Variants in FRAS1 observed in about 807,000 individuals in gnomAD.
FRAS1 encodes Fraser extracellular matrix complex subunit 1, also known as extracellular matrix organizing protein FRAS1.
Under a neutral mutation model 435.2 loss-of-function variants are expected in FRAS1, and 290 were observed. The observed-to-expected ratio is 0.67, with a 90% CI of 0.61 to 0.73. The LOEUF (loss-of-function observed/expected upper bound fraction) is 0.73, where lower values mean the gene tolerates loss of function less well. Ranked by LOEUF, FRAS1 falls within the 30% of genes least tolerant of loss-of-function variation. The pLI is 0.00. For synonymous variants in FRAS1, 1,800 were observed against 1,851.0 expected, an observed-to-expected ratio of 0.97 and a Z score of 0.71; for missense variants, 4,860 against 5,001.5, an observed-to-expected ratio of 0.97 and a Z score of 0.85.
intron 2 of FRAS1, among the ~76,000 whole-genome samples, chr4:78,117,332 A>G (rs1327659495): frequency 6.6e-6 from 1 of 152,040 alleles, no homozygotes; most frequent in Non-Finnish European, 1.5e-5. Context: ...TTCTCGAGGA[A>G]TATCTTTGTG....
At chr4:78,536,828 G>A (rs72873313) in intron 71 of FRAS1, among the ~76,000 whole-genome samples, 167 bp from the exon 72 acceptor site, 22,973 of 152,096 alleles carry the variant, frequency 0.15, 1,976 homozygotes, top group Non-Finnish European at 0.21. Context: ...GAATAAAAAC[G>A]AAGCAATAAA....
chr4:78,200,657 AT>A (rs916664104), intron 2 of FRAS1, among the ~76,000 whole-genome samples: 20 of 147,136 alleles, frequency 1.4e-4, no homozygotes, highest in South Asian at 6.4e-4. Context: ...CCTGTATTGC[AT>A]TTTTTTTTTC....
At chr4:78,117,551 A>C (rs1434201173) in intron 2 of FRAS1, among the ~76,000 whole-genome samples, 3 of 151,812 alleles carry the variant, frequency 2.0e-5, no homozygotes, top group African/African-American at 7.3e-5. Context: ...TTTTTCTCTA[A>C]ACTTCTCTTC....
intron 47 of FRAS1, among the ~76,000 whole-genome samples, chr4:78,453,227 G>C (rs772824657): frequency 6.6e-6 from 1 of 152,186 alleles, no homozygotes; most frequent in Non-Finnish European, 1.5e-5. Context: ...ATCAGGTAGT[G>C]TCTAACAGGA....
intron 2 of FRAS1, among the ~76,000 whole-genome samples, chr4:78,115,694 A>C (rs1009846291): frequency 6.6e-6 from 1 of 151,872 alleles, no homozygotes; most frequent in Non-Finnish European, 1.5e-5. Context: ...TTCATTTTTT[A>C]TTGCATCTAT....
At chr4:78,347,794 T>G (rs1266516686) in intron 20 of FRAS1, among the ~76,000 whole-genome samples, 7 of 150,614 alleles carry the variant, frequency 4.6e-5, no homozygotes, top group Non-Finnish European at 1.0e-4. Flanking sequence ...TGTGTTTTTT[T>G]TTTTTTTTTT....
chr4:78,101,223 G>T (rs1290349434), intron 2 of FRAS1, among the ~76,000 whole-genome samples: 1 of 149,570 alleles, frequency 6.7e-6, no homozygotes, highest in Non-Finnish European at 1.5e-5. Flanking sequence ...TAAAAGGAAA[G>T]GCTAAAAAAA....
At chr4:78,123,097 T>C (rs1719122471) in intron 2 of FRAS1, among the ~76,000 whole-genome samples, 1 of 152,246 alleles carries the variant, frequency 6.6e-6, no homozygotes, top group Admixed American at 6.5e-5. Context: ...TTCTAGGATT[T>C]TTATGGTCCT....
intron 1 of FRAS1, among the ~76,000 whole-genome samples, chr4:78,065,084 A>ATATATATATACACACACACATT (rs56941311): frequency 7.1e-6 from 1 of 141,354 alleles, no homozygotes; most frequent in Non-Finnish European, 1.5e-5. Flanking sequence ...ATATATATAT[A>ATATATATATACACACACACATT]CATACACACA....
At chr4:78,152,607 CTTTTTTTT>C (rs71214398) in intron 2 of FRAS1, among the ~76,000 whole-genome samples, 2 of 72,412 alleles carry the variant, frequency 2.8e-5, no homozygotes, top group Non-Finnish European at 4.8e-5. Context: ...ATGTAGGCTG[CTTTTTTTT>C]TTTTTTTTTT....
intron 47 of FRAS1, among the ~76,000 whole-genome samples, chr4:78,461,958 G>A (rs1023551804): frequency 2.0e-5 from 3 of 152,160 alleles, no homozygotes; most frequent in Non-Finnish European, 4.4e-5. Context: ...TGGGGTAGGC[G>A]ACGGGAAAGG....
chr4:78,511,669 G>A, intron 64 of FRAS1, 163 bp downstream of exon 64: 1 of 683,042 alleles, frequency 1.5e-6, no homozygotes, highest in Non-Finnish European at 2.7e-6. Flanking sequence ...TCAAGCTCGG[G>A]CCCCCTGCCT....
intron 17 of FRAS1, 68 bp downstream of exon 17, chr4:78,317,576 T>C: frequency 7.1e-7 from 1 of 1,414,510 alleles, no homozygotes; most frequent in Non-Finnish European, 9.6e-7. Context: ...TTTTTTCCAA[T>C]AATATAACTT....
Position 78,522,810 on chromosome 4 carries a change from T to C in FRAS1, c.10808+2T>C. ...GAGAGCCACAAGCTCTTATAACAGG[T>C]AAATACAGTGATGGAGGCCTCCATG... is the stretch of plus-strand genomic sequence containing the variant. On this transcript the variant is annotated splice_donor_variant, in intron 69 of 73. Transcript: ENST00000512123. LOFTEE classifies it high-confidence loss of function. The C allele has an allele frequency of 6.2e-7, 1 of 1,601,686 alleles. No individual in the cohort carries two copies. The highest frequency in any genetic ancestry group is 1.1e-5 in the South Asian group (1 of 88,354).
intron 70 of FRAS1, among the ~76,000 whole-genome samples, chr4:78,527,767 G>A (rs183655481): frequency 1.4e-3 from 220 of 152,214 alleles, no homozygotes; most frequent in African/African-American, 5.2e-3. Flanking sequence ...GAGCAAAGGG[G>A]CAATAACTGG....
At chr4:78,457,918 C>T (rs889315228) in intron 47 of FRAS1, among the ~76,000 whole-genome samples, 2 of 152,232 alleles carry the variant, frequency 1.3e-5, no homozygotes, top group Admixed American at 1.3e-4. Flanking sequence ...TGAAAGTTCT[C>T]AGGGAAGTGG....
intron 66 of FRAS1, among the ~76,000 whole-genome samples, chr4:78,518,450 A>ATATATATTTATT (rs1487744216): frequency 5.2e-4 from 36 of 69,332 alleles, no homozygotes; most frequent in Middle Eastern, 9.3e-3. Context: ...ATATATATAT[A>ATATATATTTATT]TATTTATTTA....
intron 27 of FRAS1, 76 bp from the exon 28 acceptor site, chr4:78,383,983 T>A (rs776780621): frequency 5.5e-6 from 6 of 1,088,954 alleles, no homozygotes; most frequent in African/African-American, 3.2e-5. Flanking sequence ...AACCTGAAAA[T>A]GTTTTTAAGC....
At chr4:78,069,746 C>A (rs1320086) in intron 2 of FRAS1, among the ~76,000 whole-genome samples, 76,374 of 151,576 alleles carry the variant, frequency 0.5, 20,539 homozygotes, top group Non-Finnish European at 0.61. Flanking sequence ...AGTTGTTAAG[C>A]ACCTACTATA....
Sources: gnomAD v4.1 joint callset for allele counts (sites outside exome capture counted in the v4.1 genomes callset) on GRCh38, gnomAD v4.1.1 for gene constraint, MANE v1.5 for transcripts, NCBI Gene and HGNC (gene_info 2026-07-23, HGNC 2026-07-21) for gene names.